The following KDM4C variants were observed in gnomAD, a reference collection of about 807,000 sequenced individuals.
KDM4C encodes lysine-specific demethylase 4C.
A neutral mutation model predicts 129.3 loss-of-function variants in KDM4C; 81 were observed. The observed-to-expected ratio is 0.63, with a 90% CI of 0.52 to 0.75. KDM4C has a LOEUF of 0.75. KDM4C is among the 30% of genes least tolerant of loss of function. KDM4C has a pLI of 0.00. For synonymous variants in KDM4C, 573 were observed against 456.1 expected (o/e 1.26, Z -3.26); for missense variants, 1,457 against 1,304.0 (o/e 1.12, Z -1.81).
At chr9:6,733,903 G>T (rs113814712) in intron 1 of KDM4C, among the ~76,000 whole-genome samples, 2,200 of 152,242 alleles carry the variant, frequency 0.014, 52 homozygotes, top group African/African-American at 0.05. Flanking sequence ...TGGCGCTGCT[G>T]AGAGTGTAGC....
intron 4 of KDM4C, among the ~76,000 whole-genome samples, chr9:6,828,351 G>A (rs912167142): frequency 1.3e-5 from 2 of 151,980 alleles, no homozygotes; most frequent in East Asian, 1.9e-4. Context: ...GTTTCACCAT[G>A]TCAGACAGGC....
At chr9:6,914,955 G>A (rs1820035804) in intron 8 of KDM4C, among the ~76,000 whole-genome samples, 2 of 152,192 alleles carry the variant, frequency 1.3e-5, no homozygotes, top group African/African-American at 4.8e-5. Flanking sequence ...AATGTACTAA[G>A]ACAGAGTCTT....
chr9:6,883,397 G>A (rs1472494411), intron 6 of KDM4C, among the ~76,000 whole-genome samples: 1 of 152,202 alleles, frequency 6.6e-6, no homozygotes, highest in African/African-American at 2.4e-5. Context: ...TAGGCATGGA[G>A]ATCAATGTGT....
At chr9:6,834,701 GAGA>G (rs1306500088) in intron 4 of KDM4C, 2 of 863,800 alleles carry the variant, frequency 2.3e-6, no homozygotes, top group African/African-American at 3.3e-5. Context: ...GGACAACATG[GAGA>G]AGATCTGGCA....
chr9:6,761,883 C>T (rs921085525), intron 1 of KDM4C, among the ~76,000 whole-genome samples: 1 of 152,098 alleles, frequency 6.6e-6, no homozygotes, highest in Non-Finnish European at 1.5e-5. Context: ...ATGATCTCGG[C>T]TCACTGCAAC....
chr9:7,119,838 C>A (rs1202995570), intron 18 of KDM4C, among the ~76,000 whole-genome samples: 1 of 152,100 alleles, frequency 6.6e-6, no homozygotes, highest in African/African-American at 2.4e-5. Context: ...CAGATGTTTA[C>A]CTGCATTTTC....
At chr9:6,984,478 C>T (rs1817338040) in intron 10 of KDM4C, 74 bp downstream of exon 10, 10 of 973,610 alleles carry the variant, frequency 1.0e-5, no homozygotes, top group South Asian at 2.9e-5. Context: ...AATGGATGTT[C>T]ACTATGACAA....
rs185397772 is a variant in KDM4C, at chr9:7,082,660, A to G, written c.2425-21025A>G. Among the ~76,000 whole-genome samples the G allele has an allele frequency of 4.7e-3, 714 of 152,244 alleles. 6 individuals carry two copies. The highest frequency in any genetic ancestry group is 0.016 in the African/African-American group (659 of 41,536). On this transcript the variant is annotated intron_variant, in intron 17 of 21. Transcript: ENST00000381309. ...CATTTGTCTGCTGACTTGACACTTC[A>G]TCTCAAGCCTACTGTGTTGTCACGC...
chr9:6,786,922 T>A (rs1391228169), intron 1 of KDM4C, among the ~76,000 whole-genome samples: 5 of 152,226 alleles, frequency 3.3e-5, no homozygotes, highest in Non-Finnish European at 7.3e-5. Context: ...TTGGCAAAGA[T>A]CTGGGTGGTG....
chr9:7,159,939 T>G (rs561189449), intron 19 of KDM4C, among the ~76,000 whole-genome samples: 1 of 152,342 alleles, frequency 6.6e-6, no homozygotes, highest in Admixed American at 6.5e-5. Context: ...CCAACTTGGT[T>G]CTATTCTCCC....
rs763854914 is a variant in KDM4C, at chr9:7,013,774, G to A, written c.1969-14G>A. ...CCATGTTTTTCACTCATGTGGAAAC[G>A]TTATGTTTTTCAGCCAGATAGCAGC... is the stretch of plus-strand genomic sequence containing the variant. On this transcript the variant is annotated splice_polypyrimidine_tract_variant and intron_variant, in intron 13 of 21. Transcript: ENST00000381309. 3.1e-6 allele frequency: 5 copies of A among 1,612,214 alleles called. No individual in the cohort carries two copies. The African/African-American group carries it at 5.3e-5, about 17-fold the overall frequency.
chr9:6,761,349 T>C (rs1306411499), intron 1 of KDM4C, among the ~76,000 whole-genome samples: 3 of 152,080 alleles, frequency 2.0e-5, no homozygotes, highest in African/African-American at 4.8e-5. Context: ...CTTTTTTTTT[T>C]TGGAGACAGG....
intron 8 of KDM4C, among the ~76,000 whole-genome samples, chr9:6,918,193 C>T (rs994051656): frequency 2.0e-5 from 3 of 152,086 alleles, no homozygotes; most frequent in Admixed American, 1.3e-4. Context: ...TTCTGGTAGT[C>T]CCCAGTGTCT....
intron 8 of KDM4C, among the ~76,000 whole-genome samples, chr9:6,965,247 A>T (rs565019251): frequency 6.6e-6 from 1 of 151,822 alleles, no homozygotes; most frequent in South Asian, 2.1e-4. Context: ...CAAAGAAAAA[A>T]AAAGTCTAAA....
At chr9:7,043,250 T>C (rs1465825510) in intron 15 of KDM4C, among the ~76,000 whole-genome samples, 1 of 152,038 alleles carries the variant, frequency 6.6e-6, no homozygotes, top group African/African-American at 2.4e-5. Context: ...ATATCAAGTT[T>C]AATGACTCAG....
rs758439648 is a variant in KDM4C, at chr9:7,073,001, TAGG to T, written c.2424+23804_2424+23806del. On this transcript the variant is annotated intron_variant, in intron 17 of 21. Coordinates refer to ENST00000381309, the MANE Select transcript of KDM4C (RefSeq NM_015061.6). Reference sequence around the variant, plus strand: ...AGGACAAAGTGGTGAAGAAAAGTAGTAGGAGAAGTAGTGAGAGGAAAGAATGTA... The same window carrying T: ...AGGACAAAGTGGTGAAGAAAAGTAGTAGAAGTAGTGAGAGGAAAGAATGTA... 7.2e-5 allele frequency among the ~76,000 whole-genome samples: 11 copies of T among 152,140 alleles called. No individual in the cohort carries two copies. In the East Asian group the frequency reaches 2.1e-3, roughly 29 times the overall value.
chr9:6,884,845 A>G (rs901788928), intron 6 of KDM4C, among the ~76,000 whole-genome samples: 1 of 152,272 alleles, frequency 6.6e-6, no homozygotes, highest in African/African-American at 2.4e-5. Flanking sequence ...GGATTTAAAA[A>G]TAATTTCTTA....
In KDM4C at chr9:7,103,994, G is replaced by GT. The variant is rs1412100941; in HGVS notation, c.2610+125dup. The GT allele has an allele frequency of 5.7e-6, 5 of 874,596 alleles. No individual in the cohort carries two copies. In the Admixed American group the frequency reaches 9.8e-5, roughly 17 times the overall value. 54.2% of individuals were successfully genotyped at this position (874,596 alleles called of 1,614,324 possible). A position where few individuals can be genotyped will look rare whatever the true frequency, so the allele number is the denominator to read the frequency against. ...GACTCATTGTTGACATGTCTAGACC[G>GT]TGAGTTCCTTGAGGGCAGGGATTGC... On this transcript the variant is annotated intron_variant, in intron 18 of 21. Coordinates refer to ENST00000381309, the MANE Select transcript of KDM4C (RefSeq NM_015061.6).
chr9:6,807,453 C>A (rs1375319952), intron 3 of KDM4C, among the ~76,000 whole-genome samples: 1 of 146,344 alleles, frequency 6.8e-6, no homozygotes, highest in Non-Finnish European at 1.5e-5. Context: ...CTCTTCCCAG[C>A]CGCCATCACA....
Sources: gnomAD v4.1 joint callset for allele counts (sites outside exome capture counted in the v4.1 genomes callset) on GRCh38, gnomAD v4.1.1 for gene constraint, MANE v1.5 for transcripts, NCBI Gene and HGNC (gene_info 2026-07-23, HGNC 2026-07-21) for gene names.